The following DPP6 variants were observed in gnomAD, a reference collection of about 807,000 sequenced individuals.
DPP6 encodes A-type potassium channel modulatory protein DPP6.
In DPP6, 69 loss-of-function variants were observed where a neutral mutation model predicts 122.6. The observed-to-expected ratio is 0.56, with a 90% confidence interval of 0.46 to 0.69. The LOEUF (loss-of-function observed/expected upper bound fraction) is 0.69, where lower values mean the gene tolerates loss of function less well. Among genes scored for constraint, DPP6 ranks in the 30% least tolerant of loss-of-function variants. The pLI is 0.00. For missense variants in DPP6, 928 were observed against 1,116.9 expected (o/e 0.83, Z 2.41); for synonymous variants, 418 against 433.1 (o/e 0.97, Z 0.43).
chr7:154,736,843 G>A (rs577613183), intron 8 of DPP6, among the ~76,000 whole-genome samples: 6 of 152,266 alleles, frequency 3.9e-5, no homozygotes, highest in South Asian at 4.1e-4. Flanking sequence ...CATATTCTAG[G>A]AACCTCCACA....
intron 1 of DPP6, among the ~76,000 whole-genome samples, chr7:154,415,272 T>C (rs1165122365): frequency 1.3e-5 from 2 of 151,966 alleles, no homozygotes; most frequent in Non-Finnish European, 1.5e-5. Context: ...AGGTTCCAGC[T>C]CTTAAAAGAT....
chr7:153,954,326 C>CA (rs1366226193), intron 1 of DPP6, among the ~76,000 whole-genome samples: 1 of 152,214 alleles, frequency 6.6e-6, no homozygotes, highest in Non-Finnish European at 1.5e-5. Flanking sequence ...TCTTAATAGT[C>CA]AAACTGCAGA....
chr7:154,195,125 T>C (rs1173016291), intron 1 of DPP6, among the ~76,000 whole-genome samples: 2 of 152,236 alleles, frequency 1.3e-5, no homozygotes, highest in Admixed American at 1.3e-4. Flanking sequence ...CATTTAGGTC[T>C]GTGGTTCATT....
rs138186224 is a variant in DPP6 at position 154,196,074 on chromosome 7, C to T, written c.243+143011C>T. On this transcript the variant is annotated intron_variant, in intron 1 of 25. Transcript: ENST00000377770. The stretch of plus-strand genomic sequence containing the variant: ...TCTCTAAATATCATTTTCGCTCCAT[C>T]GGATAGAATAACTGTTCCTCCTCTC... 5.9e-3 allele frequency among the ~76,000 whole-genome samples: 895 copies of T among 152,332 alleles called. 3 individuals are homozygous for T. The highest frequency in any genetic ancestry group is 0.02 in the African/African-American group (848 of 41,578).
intron 3 of DPP6, among the ~76,000 whole-genome samples, chr7:154,520,627 T>G (rs1318027156): frequency 9.2e-5 from 14 of 152,218 alleles, no homozygotes; most frequent in Non-Finnish European, 1.0e-4. Context: ...TAGGAGGTGA[T>G]TTTTCTCAGG....
At chr7:154,150,872 G>A (rs1032680964) in intron 1 of DPP6, among the ~76,000 whole-genome samples, 24 of 152,180 alleles carry the variant, frequency 1.6e-4, no homozygotes, top group African/African-American at 5.8e-4. Flanking sequence ...ACTCACTTGG[G>A]CCTCTTTGGA....
intron 7 of DPP6, among the ~76,000 whole-genome samples, chr7:154,678,510 C>A (rs1329582247): frequency 6.6e-6 from 1 of 152,070 alleles, no homozygotes; most frequent in African/African-American, 2.4e-5. Flanking sequence ...ACCACGAACC[C>A]ACTGGAAGGA....
chr7:154,058,482 G>T (rs1159684030), intron 1 of DPP6: 2 of 141,178 alleles, frequency 1.4e-5, no homozygotes, highest in Non-Finnish European at 3.1e-5. Flanking sequence ...TCGTAGGGGG[G>T]GGGAGGCACC....
At chr7:154,871,834 T>G (rs890603993) in intron 18 of DPP6, among the ~76,000 whole-genome samples, 3 of 152,252 alleles carry the variant, frequency 2.0e-5, no homozygotes, top group Admixed American at 6.5e-5. Context: ...TTTGGTAATC[T>G]GGGTTGTAGT....
chr7:154,242,427 T>G (rs543960399), intron 1 of DPP6, among the ~76,000 whole-genome samples: 4 of 149,464 alleles, frequency 2.7e-5, no homozygotes, highest in African/African-American at 9.8e-5. Flanking sequence ...TATATTCCCA[T>G]AGGCTAGCAA....
At chr7:154,608,342 T>TATA (rs59731169) in intron 5 of DPP6, among the ~76,000 whole-genome samples, 4 of 127,456 alleles carry the variant, frequency 3.1e-5, no homozygotes, top group East Asian at 2.5e-4. Flanking sequence ...TATATATATA[T>TATA]TTTGAGATGG....
At chr7:153,884,986 A>AT (rs1237377902), upstream of DPP6, among the ~76,000 whole-genome samples, 13 of 41,096 alleles carry the variant, frequency 3.2e-4, no homozygotes, top group East Asian at 7.7e-4. Context: ...CTCAAAACAA[A>AT]AATATATATA....
chr7:154,454,628 G>T (rs9655648), intron 2 of DPP6, among the ~76,000 whole-genome samples: 56,206 of 151,826 alleles, frequency 0.37, 12,746 homozygotes, highest in African/African-American at 0.63. Context: ...TAAGGGAGAA[G>T]GAAAGGGATG....
intron 3 of DPP6, among the ~76,000 whole-genome samples, chr7:154,517,599 C>T (rs1371450728): frequency 1.3e-5 from 2 of 151,948 alleles, no homozygotes; most frequent in South Asian, 4.1e-4. Flanking sequence ...ATCTAGTTGA[C>T]ATTGTTTAGT....
intron 23 of DPP6, among the ~76,000 whole-genome samples, chr7:154,888,452 G>A (rs1584995685): frequency 6.6e-6 from 1 of 152,200 alleles, no homozygotes. Context: ...AGTCAGACCT[G>A]TTGATTTGGT....
At chr7:154,192,763 G>A (rs1004231326) in intron 1 of DPP6, among the ~76,000 whole-genome samples, 1 of 152,242 alleles carries the variant, frequency 6.6e-6, no homozygotes, top group Non-Finnish European at 1.5e-5. Flanking sequence ...GAATTTTATA[G>A]AATCTCGTGC....
intron 1 of DPP6, among the ~76,000 whole-genome samples, chr7:154,299,616 G>T (rs1805770958): frequency 6.6e-6 from 1 of 152,128 alleles, no homozygotes; most frequent in South Asian, 2.1e-4. Flanking sequence ...ATTTTTAGGG[G>T]ATTGTAAGTT....
intron 1 of DPP6, among the ~76,000 whole-genome samples, chr7:154,200,108 G>A (rs918897276): frequency 2.0e-5 from 3 of 151,990 alleles, no homozygotes; most frequent in Admixed American, 2.0e-4. Context: ...CACATACATC[G>A]GTCATCAGTC....
chr7:154,112,113 T>G (rs981297984), intron 1 of DPP6, among the ~76,000 whole-genome samples: 3 of 152,166 alleles, frequency 2.0e-5, no homozygotes, highest in African/African-American at 7.2e-5. Flanking sequence ...TGGAATGTTC[T>G]GCAACTCTGA....
Sources: allele counts gnomAD v4.1 joint callset (sites outside exome capture counted in the v4.1 genomes callset), GRCh38; gene constraint gnomAD v4.1.1; transcripts MANE v1.5; gene names NCBI Gene and HGNC (gene_info 2026-07-23, HGNC 2026-07-21).